The following NUDT9 variants were observed in gnomAD, a reference collection of about 807,000 sequenced individuals.
NUDT9 encodes nudix hydrolase 9.
Under a neutral mutation model 41.0 loss-of-function variants are expected in NUDT9, and 31 were observed. That is an observed-to-expected ratio of 0.76 (90% CI 0.57 to 1.02). The LOEUF is 1.02. Ranked by LOEUF, NUDT9 falls within the 50% of genes least tolerant of loss-of-function variation. NUDT9 has a pLI of 0.00. For synonymous variants in NUDT9, 146 were observed against 147.6 expected, an observed-to-expected ratio of 0.99 and a Z score of 0.08; for missense variants, 380 against 431.4, an observed-to-expected ratio of 0.88 and a Z score of 1.06.
At chr4:87,449,497 A>C (rs1722616050) in intron 5 of NUDT9, among the ~76,000 whole-genome samples, 1 of 152,202 alleles carries the variant, frequency 6.6e-6, no homozygotes, top group Non-Finnish European at 1.5e-5. Context: ...CTTTGAAGTT[A>C]GATGTAGGTC....
rs1560802584 is a variant in NUDT9, at chr4:87,458,022, C to A, written c.*1C>A. 6.6e-7 allele frequency: 1 copy of A among 1,523,382 alleles called. No individual in the cohort carries two copies. The highest frequency in any genetic ancestry group is 2.4e-5 in the East Asian group (1 of 41,244). 94.4% of individuals were successfully genotyped at this position (1,523,382 alleles called of 1,614,324 possible). A position where few individuals can be genotyped will look rare whatever the true frequency, so the allele number is the denominator to read the frequency against. Reference sequence around the variant, plus strand: ...TGAAGCTGACTGCCATGCGTTGTAGCTGATGGTCTCCGTGTAAGCCAAAGG... The same window carrying A: ...TGAAGCTGACTGCCATGCGTTGTAGATGATGGTCTCCGTGTAAGCCAAAGG... On this transcript the variant is annotated 3_prime_UTR_variant, in exon 8 of 8. Transcript: ENST00000302174.
At chr4:87,452,398 A>G (rs1722769060) in intron 6 of NUDT9, among the ~76,000 whole-genome samples, 1 of 152,168 alleles carries the variant, frequency 6.6e-6, no homozygotes, top group South Asian at 2.1e-4. Flanking sequence ...TTTACATTTT[A>G]AATTATGTCA....
At chr4:87,456,942 A>C (rs185379887) in intron 7 of NUDT9, among the ~76,000 whole-genome samples, 114 of 152,296 alleles carry the variant, frequency 7.5e-4, no homozygotes, top group Non-Finnish European at 1.4e-3. Context: ...AAAATAAATA[A>C]AATAAAATAA....
At position 87,451,681 on chromosome 4, in the gene NUDT9, G is replaced by A. The variant is rs778061331; in HGVS notation, c.735G>A (p.Glu245=). 3.2e-5 allele frequency: 52 copies of A among 1,613,854 alleles called. 1 individual carries two copies. The Middle Eastern group carries it at 8.2e-4, about 26-fold the overall frequency. ...ALNSLQKTSA[E]KREIEEKLHK... is the part of the protein sequence containing the mutation. The stretch of plus-strand genomic sequence containing the variant: ...ACTCCTTACAGAAAACCAGTGCTGA[G>A]AAGAGAGAAATAGAGGAAAAGTTGC... Residue 245 remains glutamate (E), a synonymous_variant, in exon 6 of 8, where the codon GAG becomes GAA. Transcript: ENST00000302174.
chr4:87,454,333 C>T (rs750620582), intron 6 of NUDT9, 38 bp from the exon 7 acceptor site: 16 of 1,217,102 alleles, frequency 1.3e-5, no homozygotes, highest in Non-Finnish European at 2.0e-5. Context: ...CTCACTACAC[C>T]TTGGACTTTT....
chr4:87,428,979 C>T lies in NUDT9; in HGVS notation c.107+5967C>T, dbSNP rs116600071. ...TGGTTTGGACAAATGTATAATGACA[C>T]GCATCAACTCTTATGGAATTGTACA... On this transcript the variant is annotated intron_variant, in intron 1 of 7. Coordinates refer to ENST00000302174, the MANE Select transcript of NUDT9 (RefSeq NM_024047.5). 1.0e-3 allele frequency among the ~76,000 whole-genome samples: 154 copies of T among 152,196 alleles called. 1 individual carries two copies. The highest frequency in any genetic ancestry group is 6.8e-3 in the Middle Eastern group (2 of 294).
At position 87,424,254 on chromosome 4, in the gene NUDT9, G is replaced by GTTTTTT. The variant is rs147874067; in HGVS notation, c.107+1260_107+1265dup. On this transcript the variant is annotated intron_variant, in intron 1 of 7. Transcript: ENST00000302174. ...TAGGAATAGCATTTCTCCCTAATGC[G>GTTTTTT]TTTTTTTTTTTTTTTTTTTTTTTGA... Among the ~76,000 whole-genome samples the GTTTTTT allele has an allele frequency of 3.1e-4, 31 of 99,176 alleles. 1 individual carries two copies. Among genetic ancestry groups the GTTTTTT allele is most frequent in the African/African-American group, 8.5e-4 (20 of 23,464 alleles). The allele number at this position is 99,176 out of a possible 152,430, so 65.1% of individuals were successfully genotyped here.
At chr4:87,457,344 T>C (rs1329863909) in intron 7 of NUDT9, among the ~76,000 whole-genome samples, 1 of 151,100 alleles carries the variant, frequency 6.6e-6, no homozygotes, top group Non-Finnish European at 1.5e-5. Flanking sequence ...CAGACAATTC[T>C]CTTGCCTCAG....
intron 1 of NUDT9, 151 bp from the exon 2 acceptor site, chr4:87,434,830 G>C: frequency 1.6e-6 from 1 of 606,176 alleles, no homozygotes. Context: ...TGTTGGTCAG[G>C]CTGGTCTTGA....
At chr4:87,424,885 CAG>C (rs1721336794) in intron 1 of NUDT9, among the ~76,000 whole-genome samples, 1 of 152,200 alleles carries the variant, frequency 6.6e-6, no homozygotes, top group East Asian at 1.9e-4. Context: ...TATCCAGAAC[CAG>C]AGACTGTACT....
chr4:87,424,557 C>T (rs564912485), intron 1 of NUDT9, among the ~76,000 whole-genome samples: 3 of 152,242 alleles, frequency 2.0e-5, no homozygotes, highest in Non-Finnish European at 4.4e-5. Flanking sequence ...CCACCGCGCC[C>T]GGCCTTGGTG....
intron 1 of NUDT9, among the ~76,000 whole-genome samples, chr4:87,423,698 G>T (rs1039874224): frequency 3.9e-5 from 6 of 152,062 alleles, no homozygotes; most frequent in African/African-American, 1.2e-4. Context: ...GTGTCTTTTT[G>T]GTCCTGTTTC....
chr4:87,433,550 C>T (rs1721778488), intron 1 of NUDT9, among the ~76,000 whole-genome samples: 1 of 152,172 alleles, frequency 6.6e-6, no homozygotes, highest in Non-Finnish European at 1.5e-5. Context: ...GGATATTTGC[C>T]CCGTCAATCA....
chr4:87,453,810 A>C (rs1722863175), intron 6 of NUDT9, among the ~76,000 whole-genome samples: 1 of 151,710 alleles, frequency 6.6e-6, no homozygotes. Flanking sequence ...GAAGTACTAC[A>C]TTAAAAGTTT....
chr4:87,442,168 A>G (rs546025047), intron 4 of NUDT9, among the ~76,000 whole-genome samples: 2 of 152,314 alleles, frequency 1.3e-5, no homozygotes, highest in East Asian at 1.9e-4. Flanking sequence ...TGTAGGTGCA[A>G]TTGTATAAGT....
chr4:87,458,645 T>C lies in NUDT9; in HGVS notation c.*624T>C, dbSNP rs1490064441. 6.6e-6 allele frequency: 1 copy of C among 152,226 alleles called. No individual in the cohort carries two copies. The highest frequency in any genetic ancestry group is 2.1e-4 in the South Asian group (1 of 4,830). 9.4% of individuals were successfully genotyped at this position (152,226 alleles called of 1,614,324 possible). A position where few individuals can be genotyped will look rare whatever the true frequency, so the allele number is the denominator to read the frequency against. The stretch of plus-strand genomic sequence containing the variant: ...GAGATCAAAATCAGTGAACAAGAGC[T>C]GATACTCTCATTTTCAAAAATTCTG... On this transcript the variant is annotated 3_prime_UTR_variant, in exon 8 of 8. Coordinates refer to ENST00000302174, the MANE Select transcript of NUDT9 (RefSeq NM_024047.5).
chr4:87,449,737 T>A lies in NUDT9; in HGVS notation c.642+484T>A, dbSNP rs78067632. Among the ~76,000 whole-genome samples, 1,463 of 152,368 alleles carry A rather than the reference T, an allele frequency of 9.6e-3. 18 individuals carry two copies. Among genetic ancestry groups the A allele is most frequent in the African/African-American group, 0.029 (1,226 of 41,578 alleles). On this transcript the variant is annotated intron_variant, in intron 5 of 7. Transcript: ENST00000302174. ...ACAATATTTAAAAAATTAGCTTTTG[T>A]TATTTACTGTTCTGTGTAGTTTAAA...
At chr4:87,424,294 C>T (rs776680686) in intron 1 of NUDT9, among the ~76,000 whole-genome samples, 1 of 137,716 alleles carries the variant, frequency 7.3e-6, no homozygotes, top group Non-Finnish European at 1.5e-5. Context: ...GAGTTTCGCT[C>T]TGTCGCCCAG....
chr4:87,431,451 A>G (rs551352718), intron 1 of NUDT9, among the ~76,000 whole-genome samples: 3 of 152,306 alleles, frequency 2.0e-5, no homozygotes, highest in Admixed American at 1.3e-4. Context: ...TTCTGGAAAA[A>G]CATCATTGGG....
Sources: allele counts gnomAD v4.1 joint callset (sites outside exome capture counted in the v4.1 genomes callset), GRCh38; gene constraint gnomAD v4.1.1; transcripts MANE v1.5; gene names NCBI Gene and HGNC (gene_info 2026-07-23, HGNC 2026-07-21).